FOLH1: variants seen among roughly 807,000 people sequenced by gnomAD.
FOLH1 encodes the protein glutamate carboxypeptidase 2.
In FOLH1, 54 loss-of-function variants were observed where a neutral mutation model predicts 93.9. That is an observed-to-expected ratio of 0.57 (90% CI 0.46 to 0.72). The LOEUF (loss-of-function observed/expected upper bound fraction) is 0.72. FOLH1 is among the 30% of genes least tolerant of loss of function. The pLI, the probability that FOLH1 is intolerant of heterozygous loss-of-function variation, is 0.00. For missense variants in FOLH1, 571 were observed against 892.5 expected (o/e 0.64, Z 4.59); for synonymous variants, 249 against 303.6 (o/e 0.82, Z 1.87).
chr11:49,185,506 T>A, intron 6 of FOLH1, 163 bp downstream of exon 6: 1 of 913,264 alleles, frequency 1.1e-6, no homozygotes, highest in Non-Finnish European at 1.6e-6. Context: ...AATAAGGGGG[T>A]AAGGGGCCTG....
rs1311738899 is a variant in FOLH1, at chr11:49,155,972, T to C, written c.1623+745A>G. Among the ~76,000 whole-genome samples, 5 of 151,668 alleles carry C rather than the reference T, an allele frequency of 3.3e-5. 1 individual carries two copies. The East Asian group carries it at 9.7e-4, about 30-fold the overall frequency. On this transcript the variant is annotated intron_variant, in intron 15 of 18. Coordinates refer to ENST00000256999, the MANE Select transcript of FOLH1 (RefSeq NM_004476.3). ...CCCACGTGTCATGGGAGAGACTTTATGGGAGGTAATTGAATCATGGGGGAC... is the reference window on the plus strand; with the variant it reads ...CCCACGTGTCATGGGAGAGACTTTACGGGAGGTAATTGAATCATGGGGGAC...
intron 13 of FOLH1, among the ~76,000 whole-genome samples, chr11:49,159,436 T>C (rs549755924): frequency 5.1e-4 from 77 of 152,376 alleles, no homozygotes; most frequent in African/African-American, 1.8e-3. Flanking sequence ...ACTGCATTTA[T>C]TGATTTGCAT....
intron 2 of FOLH1, 69 bp downstream of exon 2, chr11:49,205,998 A>G: frequency 1.4e-6 from 2 of 1,474,808 alleles, no homozygotes; most frequent in East Asian, 4.6e-5. Flanking sequence ...TATATAAAAT[A>G]TTGGACCAAA....
At chr11:49,170,630 T>A (rs1859144614) in intron 11 of FOLH1, among the ~76,000 whole-genome samples, 1 of 152,150 alleles carries the variant, frequency 6.6e-6, no homozygotes, top group African/African-American at 2.4e-5. Flanking sequence ...CTTTAGGAGA[T>A]ATTTTGGAAA....
At chr11:49,166,476 G>T (rs1047460184) in intron 12 of FOLH1, among the ~76,000 whole-genome samples, 14 of 152,034 alleles carry the variant, frequency 9.2e-5, no homozygotes, top group Non-Finnish European at 2.1e-4. Context: ...ATTTTTTTAC[G>T]TGTAAAGCAC....
intron 3 of FOLH1, among the ~76,000 whole-genome samples, chr11:49,198,306 C>T (rs2135296371): frequency 6.6e-6 from 1 of 152,092 alleles, no homozygotes; most frequent in Non-Finnish European, 1.5e-5. Context: ...ACTGTGAAAC[C>T]CCGTCTCCAC....
chr11:49,193,179 T>G (rs1054843169), intron 3 of FOLH1, among the ~76,000 whole-genome samples: 2 of 151,740 alleles, frequency 1.3e-5, no homozygotes. Flanking sequence ...AAAACAACAA[T>G]CATAAAATAA....
intron 7 of FOLH1, among the ~76,000 whole-genome samples, chr11:49,178,079 A>G (rs781111500): frequency 2.0e-5 from 3 of 152,314 alleles, no homozygotes; most frequent in Admixed American, 1.3e-4. Flanking sequence ...AATGAGCACT[A>G]TGACGCAGCT....
chr11:49,164,076 C>A (rs1015931693), intron 13 of FOLH1, among the ~76,000 whole-genome samples: 1 of 152,232 alleles, frequency 6.6e-6, no homozygotes, highest in Middle Eastern at 3.4e-3. Context: ...TATTTACTTG[C>A]CCCTTCAATT....
At position 49,158,054 on chromosome 11, in the gene FOLH1, T is replaced by A. The variant is rs771075655; in HGVS notation, c.1441-11A>T. The A allele has an allele frequency of 3.4e-5, 53 of 1,542,244 alleles. No individual in the cohort carries two copies. The highest frequency in any genetic ancestry group is 4.2e-5 in the Admixed American group (2 of 47,350). ...ATCAGGGCTTTTCAGCTACACAAAT[T>A]AAAAGAAAAAAAGAGAATACTTACA... On this transcript the variant is annotated splice_polypyrimidine_tract_variant and intron_variant, in intron 13 of 18. Coordinates refer to ENST00000256999, the MANE Select transcript of FOLH1 (RefSeq NM_004476.3).
chr11:49,191,686 G>A (rs780146212), intron 4 of FOLH1, among the ~76,000 whole-genome samples: 2 of 151,826 alleles, frequency 1.3e-5, no homozygotes, highest in Non-Finnish European at 2.9e-5. Flanking sequence ...CGGTTTAACT[G>A]TTTTTTCTTT....
intron 18 of FOLH1, among the ~76,000 whole-genome samples, chr11:49,147,284 A>G (rs1409778899): frequency 6.6e-6 from 1 of 152,156 alleles, no homozygotes; most frequent in African/African-American, 2.4e-5. Flanking sequence ...AGTATTTCAC[A>G]GAGAAGGAAA....
At chr11:49,147,300 G>A (rs1246882299) in intron 18 of FOLH1, among the ~76,000 whole-genome samples, 2 of 152,090 alleles carry the variant, frequency 1.3e-5, no homozygotes, top group Non-Finnish European at 2.9e-5. Flanking sequence ...GGAAACTGAG[G>A]TCTGAGAGAT....
intron 13 of FOLH1, among the ~76,000 whole-genome samples, chr11:49,158,299 C>T (rs1264834531): frequency 1.3e-5 from 2 of 151,978 alleles, no homozygotes; most frequent in Non-Finnish European, 2.9e-5. Flanking sequence ...AAATTCATAC[C>T]AAGCCATTGT....
At chr11:49,170,024 A>G (rs947547668) in intron 11 of FOLH1, among the ~76,000 whole-genome samples, 1 of 152,024 alleles carries the variant, frequency 6.6e-6, no homozygotes, top group Non-Finnish European at 1.5e-5. Flanking sequence ...CTAAGTCTAC[A>G]GGAGCACCAT....
chr11:49,150,163 T>G (rs751209541), intron 17 of FOLH1, among the ~76,000 whole-genome samples: 13 of 152,192 alleles, frequency 8.5e-5, no homozygotes, highest in Admixed American at 3.9e-4. Flanking sequence ...TAGAGAGGGC[T>G]CACTGTATTA....
rs1381453648 is a variant in FOLH1, at chr11:49,208,108, C to G, written c.118+184G>C. 5.0e-5 allele frequency: 31 copies of G among 620,448 alleles called. No homozygotes were observed. The Admixed American group carries it at 7.4e-4, about 15-fold the overall frequency. 38.4% of individuals were successfully genotyped at this position (620,448 alleles called of 1,614,324 possible). ...CCAGCAGCTTGTCGAGAACTCAGCC[C>G]TGCACCGTTCCCAGCTACCCTCCTC... On this transcript the variant is annotated intron_variant, in intron 1 of 18. Transcript: ENST00000256999.
At chr11:49,177,494 TG>T (rs1860192922) in intron 7 of FOLH1, among the ~76,000 whole-genome samples, 1 of 151,806 alleles carries the variant, frequency 6.6e-6, no homozygotes, top group Non-Finnish European at 1.5e-5. Context: ...AAGCAGATAA[TG>T]GGGGCAACAG....
chr11:49,177,325 A>G (rs1296950144), intron 7 of FOLH1, among the ~76,000 whole-genome samples: 2 of 152,214 alleles, frequency 1.3e-5, no homozygotes, highest in African/African-American at 4.8e-5. Flanking sequence ...TAAAGCATCA[A>G]GCAACATGAA....
Sources: gnomAD v4.1 joint callset for allele counts (sites outside exome capture counted in the v4.1 genomes callset) on GRCh38, gnomAD v4.1.1 for gene constraint, MANE v1.5 for transcripts, NCBI Gene and HGNC (gene_info 2026-07-23, HGNC 2026-07-21) for gene names.